GEMIN5: variants seen among roughly 807,000 people sequenced by gnomAD.
The protein encoded by GEMIN5 is gem-associated protein 5.
GEMIN5 carries 124 observed loss-of-function variants against 176.9 expected under a neutral mutation model. That is an observed-to-expected ratio of 0.70 (90% CI 0.61 to 0.81). The LOEUF is 0.81. Ranked by LOEUF, GEMIN5 falls within the 40% of genes least tolerant of loss-of-function variation. The probability of loss-of-function intolerance (pLI) is 0.00; values close to 1 mark genes in which losing one functional copy is unlikely to be tolerated. For synonymous variants in GEMIN5, 673 were observed against 665.2 expected (o/e 1.01, Z -0.18); for missense variants, 1,843 against 1,814.6 (o/e 1.02, Z -0.28).
intron 7 of GEMIN5, 48 bp from the exon 8 acceptor site, chr5:154,926,122 A>C: frequency 1.6e-6 from 2 of 1,257,504 alleles, no homozygotes; most frequent in Non-Finnish European, 2.3e-6. Context: ...GAACAGAGAA[A>C]TAGGAAAAAA....
chr5:154,891,695 T>G lies in GEMIN5; in HGVS notation c.3808A>C (p.Thr1270Pro). The G allele has an allele frequency of 6.2e-7, 1 of 1,610,092 alleles. No individual in the cohort carries two copies. The highest frequency in any genetic ancestry group is 8.5e-7 in the Non-Finnish European group (1 of 1,178,956). The change falls in exon 26 of 28, where the codon ACA (threonine) becomes CCA (proline). Residue 1270 changes from threonine to proline, a missense_variant. Physicochemically the swap from Thr to Pro is conservative, Grantham distance 38. Coordinates refer to ENST00000285873, the MANE Select transcript of GEMIN5 (RefSeq NM_015465.5). ...DKLGDHQSPA[T>P]PAFKSLEAFF... The stretch of plus-strand genomic sequence containing the variant: ...GCCTCCAAACTTTTGAAAGCTGGTG[T>G]GGCAGGGGATTGATGGTCCCCCAAC...
At chr5:154,926,166 C>A in intron 7 of GEMIN5, 92 bp from the exon 8 acceptor site, 1 of 765,002 alleles carries the variant, frequency 1.3e-6, no homozygotes, top group Non-Finnish European at 2.2e-6. Flanking sequence ...GGCTCAAAGA[C>A]TGGGTAAGGA....
At chr5:154,920,180 A>AC in intron 10 of GEMIN5, 77 bp from the exon 11 acceptor site, 1 of 1,088,362 alleles carries the variant, frequency 9.2e-7, no homozygotes, top group Non-Finnish European at 1.3e-6. Flanking sequence ...GTATGACCAT[A>AC]CCATACTACA....
intron 16 of GEMIN5, among the ~76,000 whole-genome samples, chr5:154,906,471 T>C (rs1404905364): frequency 1.3e-5 from 2 of 152,188 alleles, no homozygotes; most frequent in Non-Finnish European, 2.9e-5. Context: ...TAGAGAATAC[T>C]AGGTGTATGC....
chr5:154,892,230 T>G (rs1221021174), intron 25 of GEMIN5, among the ~76,000 whole-genome samples, 157 bp downstream of exon 25: 5 of 152,252 alleles, frequency 3.3e-5, no homozygotes, highest in Non-Finnish European at 7.3e-5. Flanking sequence ...ATAGTTGTTC[T>G]TAAAAGCTTC....
intron 10 of GEMIN5, among the ~76,000 whole-genome samples, chr5:154,920,642 T>C (rs1316347740): frequency 6.6e-6 from 1 of 152,184 alleles, no homozygotes; most frequent in Middle Eastern, 3.2e-3. Context: ...ACAAATCAAA[T>C]ACCCAGTAAA....
At chr5:154,929,129 CAGG>C (rs1399482775) in intron 5 of GEMIN5, among the ~76,000 whole-genome samples, 1 of 152,110 alleles carries the variant, frequency 6.6e-6, no homozygotes, top group African/African-American at 2.4e-5. Flanking sequence ...GAGGCTGAGG[CAGG>C]AGAATGGCAT....
intron 7 of GEMIN5, 73 bp downstream of exon 7, chr5:154,927,312 G>T: frequency 1.0e-6 from 1 of 954,416 alleles, no homozygotes. Flanking sequence ...CAGGTGCTTT[G>T]AAAAAGCCCT....
chr5:154,925,013 C>CA (rs1189867966), intron 8 of GEMIN5, among the ~76,000 whole-genome samples: 25 of 151,340 alleles, frequency 1.7e-4, no homozygotes, highest in Non-Finnish European at 2.9e-4. Flanking sequence ...AACAAAACAA[C>CA]AAAAAAAACA....
chr5:154,916,393 A>G (rs1763809412), intron 13 of GEMIN5, among the ~76,000 whole-genome samples: 1 of 152,236 alleles, frequency 6.6e-6, no homozygotes, highest in African/African-American at 2.4e-5. Flanking sequence ...ACATGTATAC[A>G]TATGTAGGCT....
chr5:154,934,502 G>A (rs1439480548), intron 3 of GEMIN5, among the ~76,000 whole-genome samples: 4 of 152,006 alleles, frequency 2.6e-5, no homozygotes, highest in Admixed American at 1.3e-4. Flanking sequence ...AGTAGAGATG[G>A]GGCTTCACCA....
intron 24 of GEMIN5, among the ~76,000 whole-genome samples, chr5:154,895,305 T>G (rs1187129583): frequency 1.4e-5 from 2 of 141,456 alleles, no homozygotes; most frequent in Non-Finnish European, 3.0e-5. Flanking sequence ...GAGACCAGCC[T>G]GGGTAACAGT....
intron 21 of GEMIN5, 112 bp from the exon 22 acceptor site, chr5:154,899,422 C>T (rs2113464457): frequency 1.1e-6 from 1 of 907,048 alleles, no homozygotes; most frequent in East Asian, 2.8e-5. Flanking sequence ...CTTATTGTTC[C>T]AACTTCCTTT....
chr5:154,905,887 C>T (rs1472016544), intron 16 of GEMIN5, among the ~76,000 whole-genome samples: 2 of 152,066 alleles, frequency 1.3e-5, no homozygotes, highest in African/African-American at 2.4e-5. Flanking sequence ...GACAGGGTTT[C>T]GCCATGTTGG....
At chr5:154,928,379 T>C (rs1764088662) in intron 6 of GEMIN5, 148 bp downstream of exon 6, 5 of 699,202 alleles carry the variant, frequency 7.2e-6, no homozygotes, top group South Asian at 5.3e-5. Flanking sequence ...TGTTAGTAGA[T>C]AGCACAGGCA....
Position 154,925,104 on chromosome 5 carries a change from AAACT to A in GEMIN5, c.1294-554_1294-551del, listed in dbSNP as rs1435925561. ...TCTCTTTCCAGATATTTTTGTGAAT[AAACT>A]TATACACAATTGAAAAAAACAAATG... is the stretch of plus-strand genomic sequence containing the variant. On this transcript the variant is annotated intron_variant, in intron 8 of 27. Coordinates refer to ENST00000285873, the MANE Select transcript of GEMIN5 (RefSeq NM_015465.5). 9.9e-5 allele frequency among the ~76,000 whole-genome samples: 15 copies of A among 152,204 alleles called. 1 individual carries two copies. The highest frequency in any genetic ancestry group is 8.5e-4 in the Admixed American group (13 of 15,282).
At position 154,903,280 on chromosome 5, in the gene GEMIN5, C is replaced by G. The variant is rs540869771; in HGVS notation, c.2633-105G>C. On this transcript the variant is annotated intron_variant, in intron 18 of 27. Transcript: ENST00000285873. ...ATGTTTGGAACACCCACTTCAGACACTGAGAGAATCAGAGCTCTAACAGAG... is the reference window on the plus strand; with the variant it reads ...ATGTTTGGAACACCCACTTCAGACAGTGAGAGAATCAGAGCTCTAACAGAG... The G allele has an allele frequency of 2.1e-5, 15 of 721,620 alleles. No homozygotes were observed. The Admixed American group carries it at 3.5e-4, about 17-fold the overall frequency. The allele number at this position is 721,620 out of a possible 1,614,324, so 44.7% of individuals were successfully genotyped here.
intron 12 of GEMIN5, 54 bp downstream of exon 12, chr5:154,917,877 G>T: frequency 2.7e-6 from 3 of 1,128,334 alleles, no homozygotes; most frequent in Non-Finnish European, 4.1e-6. Context: ...GTCAGCTTGT[G>T]ATCAAATATA....
At chr5:154,906,597 TG>T (rs1463963678) in intron 16 of GEMIN5, among the ~76,000 whole-genome samples, 1 of 151,906 alleles carries the variant, frequency 6.6e-6, no homozygotes, top group African/African-American at 2.4e-5. Flanking sequence ...AATAAAGAGA[TG>T]GGGGGTCTTG....
Sources: gnomAD v4.1 joint callset for allele counts (sites outside exome capture counted in the v4.1 genomes callset) on GRCh38, gnomAD v4.1.1 for gene constraint, MANE v1.5 for transcripts, NCBI Gene and HGNC (gene_info 2026-07-23, HGNC 2026-07-21) for gene names.